Variants in ABLIM2 observed in about 807,000 individuals in gnomAD.
The protein encoded by ABLIM2 is actin binding LIM protein family member 2.
In ABLIM2, 53 loss-of-function variants were observed where a neutral mutation model predicts 97.7. The ratio of observed to expected loss-of-function variants is 0.54; its 90% CI spans 0.44 to 0.68. The LOEUF (loss-of-function observed/expected upper bound fraction) is 0.68. Ranked by LOEUF, ABLIM2 falls within the 30% of genes least tolerant of loss-of-function variation. The pLI, the probability that ABLIM2 is intolerant of heterozygous loss-of-function variation, is 0.00. For synonymous variants in ABLIM2, 361 were observed against 345.8 expected, an observed-to-expected ratio of 1.04 and a Z score of -0.49; for missense variants, 835 against 867.2, an observed-to-expected ratio of 0.96 and a Z score of 0.47.
chr4:8,062,630 G>T lies in ABLIM2; in HGVS notation c.676-1576C>A, dbSNP rs182616780. On this transcript the variant is annotated intron_variant, in intron 6 of 20. Transcript: ENST00000447017. Reference sequence around the variant, plus strand: ...ATTTTTTTGTATTTTTAGTAGAGACGGGGTTTCACTGTGTTAGCCAGGATG... The same window carrying T: ...ATTTTTTTGTATTTTTAGTAGAGACTGGGTTTCACTGTGTTAGCCAGGATG... 3.2e-3 allele frequency among the ~76,000 whole-genome samples: 492 copies of T among 151,892 alleles called. 1 individual carries two copies. Among genetic ancestry groups the T allele is most frequent in the African/African-American group, 0.011 (466 of 41,404 alleles).
chr4:8,065,245 C>A (rs963975550), intron 6 of ABLIM2, among the ~76,000 whole-genome samples: 1 of 152,164 alleles, frequency 6.6e-6, no homozygotes, highest in African/African-American at 2.4e-5. Context: ...GAGTGAAACC[C>A]AGACTCTTAC....
chr4:8,090,772 G>A (rs13152243), intron 3 of ABLIM2, among the ~76,000 whole-genome samples: 31,793 of 144,228 alleles, frequency 0.22, 3,975 homozygotes, highest in Non-Finnish European at 0.31. Context: ...TGTCAGCCTC[G>A]CGTTTTTCAG....
intron 1 of ABLIM2, among the ~76,000 whole-genome samples, chr4:8,158,294 T>C (rs1716058824): frequency 6.6e-6 from 1 of 152,186 alleles, no homozygotes; most frequent in Non-Finnish European, 1.5e-5. Flanking sequence ...ATCTCACCTC[T>C]GCGTGCCTAG....
Position 8,091,287 on chromosome 4 carries a change from AT to A in ABLIM2, c.339-3004del, listed in dbSNP as rs1167120569. ...TTTGTGTGTATATATATAATTATATATAATATTATATATTATATTATATATA... is the reference window on the plus strand; with the variant it reads ...TTTGTGTGTATATATATAATTATATAAATATTATATATTATATTATATATA... On this transcript the variant is annotated intron_variant, in intron 3 of 20. Coordinates refer to ENST00000447017, the MANE Select transcript of ABLIM2 (RefSeq NM_001130083.2). 4.4e-5 allele frequency among the ~76,000 whole-genome samples: 3 copies of A among 68,956 alleles called. 1 individual carries two copies. The highest frequency in any genetic ancestry group is 7.5e-5 in the Non-Finnish European group (3 of 39,922). The allele number at this position is 68,956 out of a possible 152,430, so 45.2% of individuals were successfully genotyped here.
intron 9 of ABLIM2, among the ~76,000 whole-genome samples, chr4:8,041,881 G>A (rs1411974110): frequency 6.6e-6 from 1 of 151,342 alleles, no homozygotes; most frequent in Non-Finnish European, 1.5e-5. Flanking sequence ...TCCAGCCTGG[G>A]CGACACAGTG....
chr4:8,158,262 C>A (rs1313505251), intron 1 of ABLIM2, among the ~76,000 whole-genome samples: 1 of 152,234 alleles, frequency 6.6e-6, no homozygotes, highest in African/African-American at 2.4e-5. Flanking sequence ...GCGGCGCCCC[C>A]AGCTGCAAAG....
chr4:8,013,481 C>T lies in ABLIM2; in HGVS notation c.1424-4379G>A, dbSNP rs374108250. Among the ~76,000 whole-genome samples, 67 of 152,328 alleles carry T rather than the reference C, an allele frequency of 4.4e-4. 1 individual carries two copies. In the South Asian group the frequency reaches 0.013, roughly 31 times the overall value. On this transcript the variant is annotated intron_variant, in intron 14 of 20. Coordinates refer to ENST00000447017, the MANE Select transcript of ABLIM2 (RefSeq NM_001130083.2). ...TCAAATGATCCACCTGCCTCAGCCTCACAAAGTGCTGGGATTACAGGTGTG... is the reference window on the plus strand; with the variant it reads ...TCAAATGATCCACCTGCCTCAGCCTTACAAAGTGCTGGGATTACAGGTGTG...
intron 1 of ABLIM2, among the ~76,000 whole-genome samples, chr4:8,111,315 T>C (rs967674187): frequency 2.3e-4 from 35 of 152,166 alleles, no homozygotes; most frequent in African/African-American, 8.0e-4. Flanking sequence ...AGTAAGAGGA[T>C]TGATGGTTGC....
chr4:8,089,227 C>T (rs1825736811), intron 3 of ABLIM2, among the ~76,000 whole-genome samples: 2 of 152,132 alleles, frequency 1.3e-5, no homozygotes, highest in Non-Finnish European at 2.9e-5. Flanking sequence ...AGGGATGGCT[C>T]AAGTAGCTGC....
In ABLIM2 at chr4:7,998,660, CT is replaced by C; in HGVS notation, c.1619-5734del. The stretch of plus-strand genomic sequence containing the variant: ...AGGAGGAAAACACCTGCCTCGTCAC[CT>C]TTTGCCACCACATGGGAGGCTGGGA... On this transcript the variant is annotated intron_variant, in intron 16 of 20. Coordinates refer to ENST00000447017, the MANE Select transcript of ABLIM2 (RefSeq NM_001130083.2). This position sits in a 1 kb window ranked among gnomAD's most constrained non-coding sequence, Gnocchi z 6.4. The C allele has an allele frequency of 2.0e-6, 1 of 512,012 alleles. No individual in the cohort carries two copies. Among genetic ancestry groups the C allele is most frequent in the East Asian group, 5.5e-5 (1 of 18,026 alleles). 31.7% of individuals were successfully genotyped at this position (512,012 alleles called of 1,614,324 possible).
intron 1 of ABLIM2, among the ~76,000 whole-genome samples, chr4:8,143,020 T>C (rs967655554): frequency 2.6e-5 from 4 of 152,072 alleles, no homozygotes; most frequent in Admixed American, 6.6e-5. Flanking sequence ...GGCCCCCTCT[T>C]CCCATCTGCA....
At chr4:8,119,932 C>A (rs1364054328) in intron 1 of ABLIM2, among the ~76,000 whole-genome samples, 1 of 152,120 alleles carries the variant, frequency 6.6e-6, no homozygotes, top group East Asian at 1.9e-4. Flanking sequence ...GGTGCGTGCT[C>A]AAGTCCTGCG....
chr4:8,032,343 G>A lies in ABLIM2; in HGVS notation c.1048-2567C>T, dbSNP rs1781487899. Among the ~76,000 whole-genome samples the A allele has an allele frequency of 6.6e-6, 1 of 152,210 alleles. No homozygotes were observed. Among genetic ancestry groups the A allele is most frequent in the African/African-American group, 2.4e-5 (1 of 41,466 alleles). On this transcript the variant is annotated intron_variant, in intron 10 of 20. Transcript: ENST00000447017. The surrounding 1 kb of genome is among the most constrained non-coding windows in gnomAD (Gnocchi z 4.3). ...CAGGAAGCGCTCCCAGGCTCAGCCAGGATCCTGAATTTTCCCCTAAAGGAA... is the reference window on the plus strand; with the variant it reads ...CAGGAAGCGCTCCCAGGCTCAGCCAAGATCCTGAATTTTCCCCTAAAGGAA...
intron 4 of ABLIM2, among the ~76,000 whole-genome samples, chr4:8,086,356 T>A (rs1823642794): frequency 6.7e-6 from 1 of 150,006 alleles, no homozygotes; most frequent in South Asian, 2.1e-4. Context: ...CCACTTTTTT[T>A]TTTTTTTTTT....
At chr4:8,060,932 C>T in intron 7 of ABLIM2, 35 bp downstream of exon 7, 1 of 1,531,326 alleles carries the variant, frequency 6.5e-7, no homozygotes, top group Non-Finnish European at 8.9e-7. Context: ...TAGTTCCTTG[C>T]TCTAGGGGAC....
chr4:8,028,796 C>T (rs1295087660), intron 11 of ABLIM2, among the ~76,000 whole-genome samples: 1 of 152,244 alleles, frequency 6.6e-6, no homozygotes, highest in Admixed American at 6.5e-5. Context: ...CCCACTTTCT[C>T]AACATTTATT....
At chr4:7,968,054 G>A (rs372729825) in intron 20 of ABLIM2, among the ~76,000 whole-genome samples, 5 of 152,230 alleles carry the variant, frequency 3.3e-5, no homozygotes, top group East Asian at 1.9e-4. Flanking sequence ...TGGCTCAGGC[G>A]TCCCCTCCCC....
intron 12 of ABLIM2, among the ~76,000 whole-genome samples, chr4:8,024,436 G>T (rs552150237): frequency 6.6e-6 from 1 of 152,168 alleles, no homozygotes; most frequent in Non-Finnish European, 1.5e-5. Context: ...GCCTTGCCTC[G>T]GGCAGCCGCC....
At position 8,020,498 on chromosome 4, in the gene ABLIM2, A is replaced by C. The variant is rs563250488; in HGVS notation, c.1268-195T>G. On this transcript the variant is annotated intron_variant, in intron 12 of 20. Coordinates refer to ENST00000447017, the MANE Select transcript of ABLIM2 (RefSeq NM_001130083.2). ...ACTGTGTCCAAGGACTTGCTAATCCAACCCTGAGTTGAAGTCTGTCCAGAG... is the reference window on the plus strand; with the variant it reads ...ACTGTGTCCAAGGACTTGCTAATCCCACCCTGAGTTGAAGTCTGTCCAGAG... 36 of 668,840 alleles carry C rather than the reference A, an allele frequency of 5.4e-5. No individual in the cohort carries two copies. In the African/African-American group the frequency reaches 6.0e-4, roughly 11 times the overall value. The allele number at this position is 668,840 out of a possible 1,614,324, so 41.4% of individuals were successfully genotyped here.
Sources: allele counts gnomAD v4.1 joint callset (sites outside exome capture counted in the v4.1 genomes callset), GRCh38; gene constraint gnomAD v4.1.1; non-coding constraint Gnocchi (gnomAD v3.1); transcripts MANE v1.5; gene names NCBI Gene and HGNC (gene_info 2026-07-23, HGNC 2026-07-21).